The following BDP1 variants were observed in gnomAD, a reference collection of about 807,000 sequenced individuals.
BDP1 encodes the protein transcription factor TFIIIB component B'' homolog.
BDP1 carries 169 observed loss-of-function variants against 266.6 expected under a neutral mutation model. That is an observed-to-expected ratio of 0.63 (90% CI 0.56 to 0.72). BDP1 has a LOEUF of 0.72. Ranked by LOEUF, BDP1 falls within the 30% of genes least tolerant of loss-of-function variation. The pLI, the probability that BDP1 is intolerant of heterozygous loss-of-function variation, is 0.00. For missense variants in BDP1, 3,015 were observed against 3,053.8 expected (o/e 0.99, Z 0.30); for synonymous variants, 1,090 against 1,022.4 (o/e 1.07, Z -1.26).
At chr5:71,544,597 T>TGG (rs1394735687) in intron 31 of BDP1, 90 bp downstream of exon 31, 1 of 1,434,562 alleles carries the variant, frequency 7.0e-7, no homozygotes, top group Non-Finnish European at 9.4e-7. Context: ...AAAGAAGTTC[T>TGG]GGCCGGGCAC....
At chr5:71,546,323 A>G (rs904279066) in intron 32 of BDP1, among the ~76,000 whole-genome samples, 1 of 152,040 alleles carries the variant, frequency 6.6e-6, no homozygotes, top group African/African-American at 2.4e-5. Context: ...CTCCATCTGT[A>G]TAGATAAATA....
chr5:71,516,639 C>G (rs943941820), intron 21 of BDP1, among the ~76,000 whole-genome samples: 1 of 152,162 alleles, frequency 6.6e-6, no homozygotes, highest in Non-Finnish European at 1.5e-5. Flanking sequence ...CGTACTATAA[C>G]TTTCTGTTAT....
intron 4 of BDP1, among the ~76,000 whole-genome samples, chr5:71,465,118 G>A (rs1397759346): frequency 2.0e-5 from 3 of 151,844 alleles, no homozygotes; most frequent in Non-Finnish European, 2.9e-5. Flanking sequence ...TAATCCTCTC[G>A]CCTCAGCCTC....
chr5:71,494,823 T>G (rs1373832812), intron 11 of BDP1: 2 of 152,572 alleles, frequency 1.3e-5, no homozygotes, highest in African/African-American at 2.4e-5. Context: ...CTCAGCCTCC[T>G]GAGTAGGTGG....
At chr5:71,518,306 T>G (rs1765326795) in intron 22 of BDP1, among the ~76,000 whole-genome samples, 1 of 152,208 alleles carries the variant, frequency 6.6e-6, no homozygotes, top group African/African-American at 2.4e-5. Context: ...TTCCTTTAAT[T>G]AGGTAGAGTG....
chr5:71,531,881 T>C (rs1359426308), intron 25 of BDP1, among the ~76,000 whole-genome samples: 1 of 152,220 alleles, frequency 6.6e-6, no homozygotes, highest in Non-Finnish European at 1.5e-5. Flanking sequence ...GTTGATTACA[T>C]GTCTGCTTTT....
Position 71,566,576 on chromosome 5 carries a change from G to C in BDP1, c.*1691G>C, listed in dbSNP as rs1744046311. The stretch of plus-strand genomic sequence containing the variant: ...AGGCATTGGAAACTTTCTGCAAACT[G>C]TTTTGGGTTTGCAGGCCAGATGGTC... On this transcript the variant is annotated 3_prime_UTR_variant, in exon 39 of 39. Coordinates refer to ENST00000358731, the MANE Select transcript of BDP1 (RefSeq NM_018429.3). 6.6e-6 allele frequency: 1 copy of C among 152,078 alleles called. No individual in the cohort carries two copies. Among genetic ancestry groups the C allele is most frequent in the African/African-American group, 2.4e-5 (1 of 41,406 alleles). 9.4% of individuals were successfully genotyped at this position (152,078 alleles called of 1,614,324 possible).
Position 71,462,072 on chromosome 5 carries a change from C to T in BDP1, c.599+146C>T, listed in dbSNP as rs1295780880. 3 of 571,936 alleles carry T rather than the reference C, an allele frequency of 5.2e-6. No homozygotes were observed. The African/African-American group carries it at 5.8e-5, about 11-fold the overall frequency. The allele number at this position is 571,936 out of a possible 1,614,324, so 35.4% of individuals were successfully genotyped here. The stretch of plus-strand genomic sequence containing the variant: ...CTGCCTCCCAGGTTCAAGCGATTCT[C>T]CTGCCTCAGATTCGCGGGTAGCTGG... On this transcript the variant is annotated intron_variant, in intron 3 of 38. Transcript: ENST00000358731.
At position 71,470,416 on chromosome 5, in the gene BDP1, C is replaced by T. The variant is rs763218340; in HGVS notation, c.941C>T (p.Ala314Val). 1.2e-6 allele frequency: 2 copies of T among 1,605,856 alleles called. No homozygotes were observed. The highest frequency in any genetic ancestry group is 1.3e-5 in the African/African-American group (1 of 74,518). ...ACAGAAACAGATATGTTTTTTTTAG[C>T]CATCAGCATGGTAGGAACTGACTTT... The part of the protein sequence containing the change: ...SNKETDMFFL[A>V]ISMVGTDFSM... Residue 314 changes from alanine to valine, a missense_variant, in exon 7 of 39, where the codon GCC becomes GTC. By Grantham distance (64) the Ala-to-Val change is moderately conservative. Coordinates refer to ENST00000358731, the MANE Select transcript of BDP1 (RefSeq NM_018429.3).
chr5:71,516,337 G>A, intron 21 of BDP1, 66 bp downstream of exon 21: 1 of 1,219,592 alleles, frequency 8.2e-7, no homozygotes, highest in South Asian at 1.4e-5. Context: ...TTATAGCTCA[G>A]ACATAGCTTA....
intron 34 of BDP1, among the ~76,000 whole-genome samples, chr5:71,552,912 A>G (rs1742954933): frequency 6.6e-6 from 1 of 152,170 alleles, no homozygotes; most frequent in Admixed American, 6.5e-5. Flanking sequence ...CTGAAGTATG[A>G]ATGGAGCTCA....
At chr5:71,499,125 A>C (rs1384300523) in intron 13 of BDP1, among the ~76,000 whole-genome samples, 1 of 145,928 alleles carries the variant, frequency 6.9e-6, no homozygotes, top group Admixed American at 6.8e-5. Flanking sequence ...TTTGAGACGG[A>C]GTCTCGCCCT....
At chr5:71,542,916 G>A (rs556824053) in intron 30 of BDP1, among the ~76,000 whole-genome samples, 44 of 151,800 alleles carry the variant, frequency 2.9e-4, no homozygotes, top group African/African-American at 8.5e-4. Context: ...TCCTTGAGCC[G>A]TAGAGAAGTG....
rs762651741 is a variant in BDP1 at position 71,532,382 on chromosome 5, G to A, written c.5847G>A (p.Val1949=). The change falls in exon 26 of 39, where the codon GTG becomes GTA. Residue 1949 remains valine, a synonymous_variant. Transcript: ENST00000358731. ...AACATGAGCTACCAAACACAGATGT[G>A]ACTACTGAAGAAATGAAACAAGAAG... is the stretch of plus-strand genomic sequence containing the variant. ...VVEHELPNTD[V]TTEEMKQEEN... is the part of the protein sequence containing the mutation. 1 of 1,613,574 alleles carries A rather than the reference G, an allele frequency of 6.2e-7. No individual in the cohort carries two copies. The highest frequency in any genetic ancestry group is 1.1e-5 in the South Asian group (1 of 91,038).
intron 35 of BDP1, among the ~76,000 whole-genome samples, chr5:71,554,415 TTTG>T (rs1436990533): frequency 5.9e-5 from 9 of 152,210 alleles, no homozygotes; most frequent in African/African-American, 1.7e-4. Context: ...CTCTGCTTTC[TTTG>T]TTGTTGTTTT....
chr5:71,506,781 T>TATA (rs201899514), intron 16 of BDP1, among the ~76,000 whole-genome samples: 4 of 106,708 alleles, frequency 3.7e-5, no homozygotes, highest in African/African-American at 1.3e-4. Flanking sequence ...TATATATATA[T>TATA]TTGAAACACA....
chr5:71,488,251 G>C (rs1763385094), intron 9 of BDP1, among the ~76,000 whole-genome samples: 1 of 151,484 alleles, frequency 6.6e-6, no homozygotes, highest in Non-Finnish European at 1.5e-5. Context: ...TCAGCCTCCT[G>C]AGTAGCTGGA....
chr5:71,562,682 A>G, intron 38 of BDP1, 162 bp downstream of exon 38: 1 of 1,484,834 alleles, frequency 6.7e-7, no homozygotes, highest in South Asian at 1.2e-5. Context: ...ATGGAAGAAG[A>G]AAAGGTGTTG....
At chr5:71,564,314 G>A (rs1040123777) in intron 38 of BDP1, among the ~76,000 whole-genome samples, 6 of 104,048 alleles carry the variant, frequency 5.8e-5, no homozygotes, top group Non-Finnish European at 1.2e-4. Flanking sequence ...GTGCTGTTTT[G>A]TCATGGGTCT....
Sources: gnomAD v4.1 joint callset for allele counts (sites outside exome capture counted in the v4.1 genomes callset) on GRCh38, gnomAD v4.1.1 for gene constraint, MANE v1.5 for transcripts, NCBI Gene and HGNC (gene_info 2026-07-23, HGNC 2026-07-21) for gene names.